Variants in ALG12 observed in about 807,000 individuals in gnomAD.
ALG12 encodes the protein dol-P-Man:Man(7)GlcNAc(2)-PP-Dol alpha-1,6-mannosyltransferase.
In ALG12, 36 loss-of-function variants were observed where a neutral mutation model predicts 46.0. The observed-to-expected ratio is 0.78, with a 90% CI of 0.60 to 1.03. ALG12 has a LOEUF of 1.03. ALG12 is among the 50% of genes least tolerant of loss of function. ALG12 has a pLI of 0.00. For missense variants in ALG12, 599 were observed against 633.5 expected, an observed-to-expected ratio of 0.95 and a Z score of 0.58; for synonymous variants, 326 against 291.6, an observed-to-expected ratio of 1.12 and a Z score of -1.20.
the ALG12 span, among the ~76,000 whole-genome samples, chr22:49,882,826 T>A: frequency 6.6e-6 from 1 of 152,222 alleles, no homozygotes; most frequent in African/African-American, 2.4e-5. Context: ...AGGACGCCTT[T>A]CCCTTCTCAG....
chr22:49,906,347 CCT>C lies in ALG12; in HGVS notation c.992+1372_992+1373del, dbSNP rs927389862. Among the ~76,000 whole-genome samples, 2 of 152,208 alleles carry C rather than the reference CCT, an allele frequency of 1.3e-5. No homozygotes were observed. Among genetic ancestry groups the C allele is most frequent in the African/African-American group, 2.4e-5 (1 of 41,438 alleles). ...CTCCTCCTCCAGCCCTGAGCCGACC[CCT>C]GAGACGAGAGGGAGCCAAAGGCACA... is the stretch of plus-strand genomic sequence containing the variant. On this transcript the variant is annotated intron_variant, in intron 7 of 9. Transcript: ENST00000330817. This position sits in a 1 kb window ranked among gnomAD's most constrained non-coding sequence, Gnocchi z 4.4.
chr22:49,870,977 GTT>G, the ALG12 span, among the ~76,000 whole-genome samples: 2 of 144,116 alleles, frequency 1.4e-5, no homozygotes, highest in Admixed American at 6.9e-5. Context: ...GTCTCACTCT[GTT>G]ACCCAGGCTG....
the ALG12 span, chr22:49,888,312 C>T: frequency 4.8e-5 from 8 of 165,474 alleles, no homozygotes; most frequent in South Asian, 2.1e-4. Context: ...CATTTGCCTA[C>T]GACCTTTTAG....
chr22:49,887,352 C>T, the ALG12 span: 2 of 569,450 alleles, frequency 3.5e-6, no homozygotes, highest in Admixed American at 3.4e-5. Context: ...CTCCTTCAGG[C>T]CAAGTTTCGC....
At chr22:49,875,235 T>A in the ALG12 span, among the ~76,000 whole-genome samples, 5 of 152,050 alleles carry the variant, frequency 3.3e-5, no homozygotes, top group African/African-American at 1.2e-4. Flanking sequence ...TATTTTTTTT[T>A]TCTTTAATGT....
chr22:49,883,536 C>A, the ALG12 span: 1 of 1,310,608 alleles, frequency 7.6e-7, no homozygotes, highest in Non-Finnish European at 1.0e-6. Flanking sequence ...AGCCATATTT[C>A]TAGAAACATC....
rs767819773 is a variant in ALG12, at chr22:49,907,690, T to C, written c.992+31A>G. 2.1e-5 allele frequency: 33 copies of C among 1,602,352 alleles called. No homozygotes were observed. The Admixed American group carries it at 5.0e-4, about 24-fold the overall frequency. Reference sequence around the variant, plus strand: ...AGTGAACCTGTTTCCAATGAAACTATAAAAATGCATGTCACAAAAAGAGCA... The same window carrying C: ...AGTGAACCTGTTTCCAATGAAACTACAAAAATGCATGTCACAAAAAGAGCA... On this transcript the variant is annotated intron_variant, in intron 7 of 9. Coordinates refer to ENST00000330817, the MANE Select transcript of ALG12 (RefSeq NM_024105.4).
At chr22:49,884,510 G>C in the ALG12 span, 4 of 1,614,156 alleles carry the variant, frequency 2.5e-6, no homozygotes, top group Non-Finnish European at 3.4e-6. Flanking sequence ...AGCACCTCTG[G>C]GTCCAGGAGA....
chr22:49,887,272 C>T, the ALG12 span: 32 of 1,346,920 alleles, frequency 2.4e-5, no homozygotes, highest in Non-Finnish European at 2.6e-5. Flanking sequence ...CGGCTGTGTA[C>T]GACATCAGAC....
the ALG12 span, among the ~76,000 whole-genome samples, chr22:49,861,350 C>T: frequency 1.3e-5 from 2 of 151,990 alleles, no homozygotes; most frequent in Admixed American, 1.3e-4. Context: ...CTGTGTTGGC[C>T]AGGCTGGCCT....
the ALG12 span, chr22:49,885,316 A>G: frequency 3.8e-6 from 6 of 1,593,586 alleles, no homozygotes; most frequent in South Asian, 5.6e-5. Flanking sequence ...CAATCAAGTT[A>G]TGTTTCCTGT....
chr22:49,901,372 G>C lies in ALG12; in HGVS notation c.*2466C>G, dbSNP rs566939430. 15 of 152,316 alleles carry C rather than the reference G, an allele frequency of 9.8e-5. No individual in the cohort carries two copies. The allele number at this position is 152,316 out of a possible 1,614,324, so 9.4% of individuals were successfully genotyped here. On this transcript the variant is annotated 3_prime_UTR_variant, in exon 10 of 10. Transcript: ENST00000330817. ...GGAAAACCAGGAGGCATCAGGTGGA[G>C]AGGCAGCCCCAGGGCACCTGGGCAA... is the stretch of plus-strand genomic sequence containing the variant.
the ALG12 span, chr22:49,885,863 T>C: frequency 9.5e-6 from 13 of 1,367,296 alleles, no homozygotes; most frequent in Non-Finnish European, 1.4e-5. Flanking sequence ...ACGTCTGGAA[T>C]ATGGATGAGT....
At chr22:49,868,273 G>C in the ALG12 span, among the ~76,000 whole-genome samples, 1 of 152,222 alleles carries the variant, frequency 6.6e-6, no homozygotes, top group Admixed American at 6.5e-5. Flanking sequence ...TATAGGCAGT[G>C]TTACAAGCAA....
At chr22:49,915,287 G>C (rs557474104) in intron 1 of ALG12, among the ~76,000 whole-genome samples, 1 of 152,084 alleles carries the variant, frequency 6.6e-6, no homozygotes. Flanking sequence ...GGCCAGGTGC[G>C]GTGGCTCATT....
chr22:49,861,294 A>G, the ALG12 span, among the ~76,000 whole-genome samples: 3 of 151,946 alleles, frequency 2.0e-5, no homozygotes, highest in African/African-American at 7.3e-5. Flanking sequence ...GGCACCCGCC[A>G]CCACGCCCAG....
the ALG12 span, chr22:49,883,607 C>T: frequency 6.8e-7 from 1 of 1,470,756 alleles, no homozygotes; most frequent in Non-Finnish European, 9.1e-7. Context: ...CACAAATGAG[C>T]ACTTGGATCA....
At position 49,906,930 on chromosome 22, in the gene ALG12, C is replaced by T. The variant is rs986532400; in HGVS notation, c.992+791G>A. On this transcript the variant is annotated intron_variant, in intron 7 of 9. Coordinates refer to ENST00000330817, the MANE Select transcript of ALG12 (RefSeq NM_024105.4). This position sits in a 1 kb window ranked among gnomAD's most constrained non-coding sequence, Gnocchi z 4.4. The stretch of plus-strand genomic sequence containing the variant: ...GAGGCTTGCAACACTGAGTGGCAGC[C>T]GCGCTCAGACCACCCCACCCTCAGC... Among the ~76,000 whole-genome samples, 10 of 152,240 alleles carry T rather than the reference C, an allele frequency of 6.6e-5. 1 individual carries two copies. Among genetic ancestry groups the T allele is most frequent in the Admixed American group, 3.9e-4 (6 of 15,302 alleles).
the ALG12 span, chr22:49,884,949 G>A: frequency 1.2e-6 from 2 of 1,610,880 alleles, no homozygotes. Context: ...CCTCTCCTGA[G>A]AAGCAGCAGG....
Sources: allele counts gnomAD v4.1 joint callset (sites outside exome capture counted in the v4.1 genomes callset), GRCh38; gene constraint gnomAD v4.1.1; non-coding constraint Gnocchi (gnomAD v3.1); transcripts MANE v1.5; gene names NCBI Gene and HGNC (gene_info 2026-07-23, HGNC 2026-07-21).